EVI5: variants seen among roughly 807,000 people sequenced by gnomAD.
EVI5 encodes the protein ecotropic viral integration site 5 protein homolog.
EVI5 carries 73 observed loss-of-function variants against 112.0 expected under a neutral mutation model. The observed-to-expected ratio is 0.65, with a 90% CI of 0.54 to 0.79. The LOEUF (loss-of-function observed/expected upper bound fraction) is 0.79, where lower values mean the gene tolerates loss of function less well. Among genes scored for constraint, EVI5 ranks in the 30% least tolerant of loss-of-function variants. The pLI is 0.00. For missense variants in EVI5, 900 were observed against 968.8 expected, an observed-to-expected ratio of 0.93 and a Z score of 0.94; for synonymous variants, 305 against 319.9, an observed-to-expected ratio of 0.95 and a Z score of 0.50.
chr1:92,646,916 T>A (rs1277926806), intron 13 of EVI5: 1 of 214,170 alleles, frequency 4.7e-6, no homozygotes, highest in Admixed American at 4.1e-5. Flanking sequence ...TGCAATATGA[T>A]TGTGATCAAA....
intron 14 of EVI5, among the ~76,000 whole-genome samples, chr1:92,630,399 T>G (rs1319843421): frequency 6.6e-6 from 1 of 152,234 alleles, no homozygotes; most frequent in Non-Finnish European, 1.5e-5. Flanking sequence ...GGTTTTGATT[T>G]GCATTTCTCT....
chr1:92,514,007 G>C, intron 19 of EVI5, 37 bp from the exon 20 acceptor site: 1 of 1,274,992 alleles, frequency 7.8e-7, no homozygotes. Context: ...CAGTCAAATG[G>C]GGGAAACACA....
intron 1 of EVI5, among the ~76,000 whole-genome samples, chr1:92,791,720 G>A (rs1686109468): frequency 6.6e-6 from 1 of 150,854 alleles, no homozygotes; most frequent in Non-Finnish European, 1.5e-5. Flanking sequence ...ATTAGCTAAT[G>A]TTAATTAGCA....
chr1:92,623,045 G>A (rs1654921077), intron 16 of EVI5, among the ~76,000 whole-genome samples: 1 of 148,976 alleles, frequency 6.7e-6, no homozygotes, highest in African/African-American at 2.5e-5. Context: ...TCTACCCACT[G>A]TGAAATAAAT....
chr1:92,772,368 G>C (rs575967426), intron 1 of EVI5, among the ~76,000 whole-genome samples: 2 of 147,658 alleles, frequency 1.4e-5, no homozygotes, highest in Non-Finnish European at 3.0e-5. Context: ...AGGCCAAGGC[G>C]GGCTGATCAC....
intron 19 of EVI5, among the ~76,000 whole-genome samples, chr1:92,556,924 C>A (rs1667765928): frequency 6.6e-6 from 1 of 151,726 alleles, no homozygotes; most frequent in Admixed American, 6.6e-5. Flanking sequence ...AAGCCTCCTG[C>A]CTCAGTCTCC....
chr1:92,784,232 C>T (rs1043067400), intron 1 of EVI5: 1 of 877,408 alleles, frequency 1.1e-6, no homozygotes, highest in African/African-American at 1.8e-5. Context: ...AGTGGAAACA[C>T]CAACACCACA....
intron 18 of EVI5, among the ~76,000 whole-genome samples, chr1:92,565,762 A>T (rs1269142338): frequency 6.6e-6 from 1 of 151,904 alleles, no homozygotes; most frequent in Non-Finnish European, 1.5e-5. Flanking sequence ...TGAGGTCAGG[A>T]ATTCAAGACC....
intron 1 of EVI5, among the ~76,000 whole-genome samples, chr1:92,750,756 T>A (rs1680049993): frequency 6.6e-6 from 1 of 152,154 alleles, no homozygotes; most frequent in Non-Finnish European, 1.5e-5. Context: ...CTTCTTCCTG[T>A]GAAAAAGGTC....
intron 16 of EVI5, among the ~76,000 whole-genome samples, chr1:92,618,084 C>A (rs1181348447): frequency 1.3e-5 from 2 of 152,170 alleles, no homozygotes; most frequent in Non-Finnish European, 2.9e-5. Context: ...AACTAGGTGA[C>A]AATACTTTGC....
intron 16 of EVI5, among the ~76,000 whole-genome samples, chr1:92,608,068 G>A (rs1232981335): frequency 1.3e-5 from 2 of 151,422 alleles, no homozygotes; most frequent in African/African-American, 4.9e-5. Context: ...GGAGAATGGC[G>A]TGAACCCAGG....
At chr1:92,790,765 G>C (rs1488315659) in intron 1 of EVI5, among the ~76,000 whole-genome samples, 4 of 150,906 alleles carry the variant, frequency 2.7e-5, no homozygotes, top group African/African-American at 9.8e-5. Flanking sequence ...GTTGCAGTGA[G>C]CTGACATCAC....
intron 2 of EVI5, chr1:92,733,076 A>C (rs1343953675): frequency 4.6e-6 from 1 of 216,944 alleles, no homozygotes; most frequent in Non-Finnish European, 9.9e-6. Flanking sequence ...AAAGAAAAAA[A>C]AAATTAACAG....
intron 19 of EVI5, among the ~76,000 whole-genome samples, chr1:92,559,256 C>T (rs1323493835): frequency 6.6e-6 from 1 of 152,158 alleles, no homozygotes; most frequent in African/African-American, 2.4e-5. Context: ...TTTTGATCCA[C>T]GATTGGTTGA....
chr1:92,763,882 G>A (rs1297968383), intron 1 of EVI5, among the ~76,000 whole-genome samples: 1 of 152,040 alleles, frequency 6.6e-6, no homozygotes, highest in Non-Finnish European at 1.5e-5. Flanking sequence ...AAGAAAAGAA[G>A]AGAAAATGAG....
At chr1:92,581,865 G>A (rs1460522065) in intron 18 of EVI5, among the ~76,000 whole-genome samples, 1 of 152,124 alleles carries the variant, frequency 6.6e-6, no homozygotes, top group East Asian at 1.9e-4. Flanking sequence ...GTCAATACAT[G>A]ACTATTTTCT....
chr1:92,741,243 T>C (rs756656257), intron 1 of EVI5, among the ~76,000 whole-genome samples: 1 of 152,200 alleles, frequency 6.6e-6, no homozygotes, highest in Non-Finnish European at 1.5e-5. Context: ...GGCAATCTGG[T>C]TGGAGATTCC....
At chr1:92,537,294 G>C (rs1382398868) in intron 19 of EVI5, among the ~76,000 whole-genome samples, 2 of 151,480 alleles carry the variant, frequency 1.3e-5, no homozygotes, top group Non-Finnish European at 2.9e-5. Context: ...GCTCCTATTC[G>C]TACATTTGAG....
intron 1 of EVI5, among the ~76,000 whole-genome samples, chr1:92,781,038 G>T (rs1268782316): frequency 6.6e-6 from 1 of 151,814 alleles, no homozygotes; most frequent in Non-Finnish European, 1.5e-5. Context: ...TTTTAGTAGA[G>T]ACAGGGTTTC....
Sources: allele counts gnomAD v4.1 joint callset (sites outside exome capture counted in the v4.1 genomes callset), GRCh38; gene constraint gnomAD v4.1.1; transcripts MANE v1.5; gene names NCBI Gene and HGNC (gene_info 2026-07-23, HGNC 2026-07-21).